Variants in TSPAN18 observed in about 807,000 individuals in gnomAD.
The protein encoded by TSPAN18 is tetraspanin-18.
A neutral mutation model predicts 27.3 loss-of-function variants in TSPAN18; 14 were observed. The observed-to-expected ratio is 0.51, with a 90% CI of 0.34 to 0.80. The LOEUF is 0.80. TSPAN18 is among the 30% of genes least tolerant of loss of function. TSPAN18 has a pLI of 0.01. For synonymous variants in TSPAN18, 143 were observed against 136.5 expected (o/e 1.05, Z -0.33); for missense variants, 268 against 323.9 (o/e 0.83, Z 1.32).
intron 1 of TSPAN18, among the ~76,000 whole-genome samples, chr11:44,749,829 G>C (rs997558547): frequency 1.3e-5 from 2 of 151,996 alleles, no homozygotes; most frequent in Non-Finnish European, 2.9e-5. Flanking sequence ...GTAGAGACGG[G>C]GTTTCACCGT....
At chr11:44,922,116 C>CCT (rs1860161672) in intron 8 of TSPAN18, among the ~76,000 whole-genome samples, 1 of 93,738 alleles carries the variant, frequency 1.1e-5, no homozygotes, top group Non-Finnish European at 1.9e-5. Flanking sequence ...GCCCAGGATG[C>CCT]ATTTTTTTTT....
Position 44,774,802 on chromosome 11 carries a change from G to T in TSPAN18, c.-153+10290G>T, listed in dbSNP as rs576915960. 4.4e-4 allele frequency among the ~76,000 whole-genome samples: 67 copies of T among 152,296 alleles called. No homozygotes were observed. The Middle Eastern group carries it at 0.01, about 23-fold the overall frequency. ...AAAGATAAGAAAAGTTGAGCACTTT[G>T]GTTGTGTGTGTGTGGCTGTTCTTGT... On this transcript the variant is annotated intron_variant, in intron 2 of 9. Transcript: ENST00000520358.
intron 1 of TSPAN18, among the ~76,000 whole-genome samples, chr11:44,729,245 G>T (rs929917910): frequency 3.3e-5 from 5 of 152,190 alleles, no homozygotes; most frequent in Admixed American, 1.3e-4. Context: ...ATTCCAGGGG[G>T]CTGGAAAACA....
At chr11:44,825,873 C>A (rs115771363) in intron 2 of TSPAN18, among the ~76,000 whole-genome samples, 263 of 152,268 alleles carry the variant, frequency 1.7e-3, no homozygotes, top group African/African-American at 6.0e-3. Context: ...TGTCTACAGG[C>A]CTTACAGGAC....
At chr11:44,772,774 T>G (rs1265548772) in intron 2 of TSPAN18, among the ~76,000 whole-genome samples, 1 of 152,174 alleles carries the variant, frequency 6.6e-6, no homozygotes, top group Non-Finnish European at 1.5e-5. Flanking sequence ...TTCTCCTGCC[T>G]CAGCCTCCCT....
At chr11:44,810,811 G>A (rs1856697665) in intron 2 of TSPAN18, among the ~76,000 whole-genome samples, 1 of 151,924 alleles carries the variant, frequency 6.6e-6, no homozygotes, top group Non-Finnish European at 1.5e-5. Flanking sequence ...GTTTTGCCAT[G>A]TTGCCCAGGC....
At chr11:44,923,399 G>A (rs1215650953) in intron 8 of TSPAN18, among the ~76,000 whole-genome samples, 1 of 152,148 alleles carries the variant, frequency 6.6e-6, no homozygotes, top group Non-Finnish European at 1.5e-5. Context: ...GTGGTGGCAG[G>A]CTGGGGAGAG....
At position 44,919,867 on chromosome 11, in the gene TSPAN18, G is replaced by T. The variant is rs1375764339; in HGVS notation, c.483G>T (p.Val161=). 2 of 1,614,210 alleles carry T rather than the reference G, an allele frequency of 1.2e-6. No homozygotes were observed. Among genetic ancestry groups the T allele is most frequent in the East Asian group, 4.5e-5 (2 of 44,886 alleles). The change falls in exon 8 of 10, where the codon GTG becomes GTT. Residue 161 remains valine (V), a synonymous_variant. Transcript: ENST00000520358. ...NGPEDFKFAS[V]FRLLTLDSEE... ...CTGAAGACTTTAAGTTTGCATCTGT[G>T]TTTCGACTCCTGACCCTGGATAGTG...
chr11:44,895,916 G>A (rs1311472065), intron 3 of TSPAN18, among the ~76,000 whole-genome samples: 1 of 152,182 alleles, frequency 6.6e-6, no homozygotes, highest in African/African-American at 2.4e-5. Context: ...TGCAGGCCCT[G>A]AACTACAAAG....
At chr11:44,914,571 AC>A (rs2135352062) in intron 5 of TSPAN18, among the ~76,000 whole-genome samples, 1 of 152,294 alleles carries the variant, frequency 6.6e-6, no homozygotes, top group African/African-American at 2.4e-5. Context: ...CCATGTAGAA[AC>A]CATAAGACCT....
intron 3 of TSPAN18, among the ~76,000 whole-genome samples, chr11:44,900,620 A>G (rs911844118): frequency 7.1e-6 from 1 of 140,644 alleles, no homozygotes; most frequent in Admixed American, 7.3e-5. Flanking sequence ...AGTGGTTACT[A>G]TTATTAGCTA....
intron 9 of TSPAN18, among the ~76,000 whole-genome samples, chr11:44,927,299 GCCGCCTC>G (rs1860397374): frequency 6.6e-6 from 1 of 152,224 alleles, no homozygotes; most frequent in South Asian, 2.1e-4. Flanking sequence ...GGGAGGAGCG[GCCGCCTC>G]CCGTTTCTGT....
chr11:44,731,108 C>T (rs975878902), intron 1 of TSPAN18, among the ~76,000 whole-genome samples: 1 of 152,154 alleles, frequency 6.6e-6, no homozygotes, highest in South Asian at 2.1e-4. Context: ...AACATGTTCA[C>T]TGGTGGTGGG....
At chr11:44,834,803 G>A (rs1006208372) in intron 2 of TSPAN18, among the ~76,000 whole-genome samples, 1 of 152,298 alleles carries the variant, frequency 6.6e-6, no homozygotes, top group African/African-American at 2.4e-5. Flanking sequence ...TGCCCTAGAA[G>A]TAGACACCAA....
chr11:44,737,837 G>T (rs1241443926), intron 1 of TSPAN18, among the ~76,000 whole-genome samples: 1 of 151,906 alleles, frequency 6.6e-6, no homozygotes, highest in Non-Finnish European at 1.5e-5. Context: ...CCCCTGGACT[G>T]CTTTTTCCTC....
chr11:44,807,220 AAAAAAAAAAAAAAAAAG>A lies in TSPAN18; in HGVS notation c.-153+42711_-153+42727del, dbSNP rs1565158393. On this transcript the variant is annotated intron_variant, in intron 2 of 9. Transcript: ENST00000520358. ...AAAAAAAAAAAAAAAAAAAAAAAAAAAAAAAAAAAAAAAAAAGAAGGAAAGAGGCCAGGCACCGTGGC... is the reference window on the plus strand; with the variant it reads ...AAAAAAAAAAAAAAAAAAAAAAAAAAAAGGAAAGAGGCCAGGCACCGTGGC... Among the ~76,000 whole-genome samples the A allele has an allele frequency of 4.1e-3, 117 of 28,838 alleles. 16 individuals are homozygous for A. The highest frequency in any genetic ancestry group is 0.015 in the South Asian group (4 of 262). 18.9% of individuals were successfully genotyped at this position (28,838 alleles called of 152,430 possible).
intron 2 of TSPAN18, among the ~76,000 whole-genome samples, chr11:44,852,952 C>T (rs1041871863): frequency 6.6e-5 from 10 of 152,216 alleles, no homozygotes; most frequent in Non-Finnish European, 1.5e-4. Flanking sequence ...CTAATATCTA[C>T]CAAAACGTCC....
At chr11:44,796,564 C>T (rs998679874) in intron 2 of TSPAN18, among the ~76,000 whole-genome samples, 1 of 152,178 alleles carries the variant, frequency 6.6e-6, no homozygotes, top group African/African-American at 2.4e-5. Context: ...TTTGCCTGCA[C>T]ATAGCGCCCA....
At chr11:44,908,783 G>GAA (rs1282449712) in intron 4 of TSPAN18, among the ~76,000 whole-genome samples, 354 of 110,670 alleles carry the variant, frequency 3.2e-3, no homozygotes, top group Middle Eastern at 8.6e-3. Context: ...AAGAAAGAAA[G>GAA]AAAGAAAGAA....
Sources: allele counts gnomAD v4.1 joint callset (sites outside exome capture counted in the v4.1 genomes callset), GRCh38; gene constraint gnomAD v4.1.1; transcripts MANE v1.5; gene names NCBI Gene and HGNC (gene_info 2026-07-23, HGNC 2026-07-21).